PI4K2A: variants seen among roughly 807,000 people sequenced by gnomAD.
The protein encoded by PI4K2A is phosphatidylinositol 4-kinase type 2-alpha.
PI4K2A carries 20 observed loss-of-function variants against 55.0 expected under a neutral mutation model. The observed-to-expected ratio is 0.36, with a 90% confidence interval of 0.26 to 0.53. The LOEUF is 0.53. PI4K2A is among the 20% of genes least tolerant of loss of function. PI4K2A has a pLI of 0.91. For synonymous variants in PI4K2A, 235 were observed against 258.5 expected, an observed-to-expected ratio of 0.91 and a Z score of 0.87; for missense variants, 463 against 637.1, an observed-to-expected ratio of 0.73 and a Z score of 2.94.
chr10:97,667,915 A>G (rs775586416), intron 8 of PI4K2A, among the ~76,000 whole-genome samples: 1 of 152,252 alleles, frequency 6.6e-6, no homozygotes, highest in African/African-American at 2.4e-5. Flanking sequence ...AGTACTGGGC[A>G]CATGAAGCAC....
At chr10:97,642,884 T>TCTTTCTTTCTTTCTTTCTTCCTTC (rs1564772365) in intron 1 of PI4K2A, among the ~76,000 whole-genome samples, 1 of 96,802 alleles carries the variant, frequency 1.0e-5, no homozygotes, top group Admixed American at 9.6e-5. Flanking sequence ...TTTCTTTCTT[T>TCTTTCTTTCTTTCTTTCTTCCTTC]CTTCCTTCCT....
chr10:97,647,214 GT>G (rs2041509292), intron 1 of PI4K2A, among the ~76,000 whole-genome samples: 1 of 142,974 alleles, frequency 7.0e-6, no homozygotes, highest in African/African-American at 3.0e-5. Context: ...CCCCTCCTTT[GT>G]TAAAAGGGGA....
At chr10:97,666,951 C>A in intron 7 of PI4K2A, 110 bp from the exon 8 acceptor site, 1 of 783,018 alleles carries the variant, frequency 1.3e-6, no homozygotes, top group South Asian at 1.6e-5. Flanking sequence ...CACAAAGCTG[C>A]AGAAGCCTTA....
chr10:97,676,060 G>A (rs769466743), exon 9 of PI4K2A: 19 of 152,332 alleles, frequency 1.2e-4, no homozygotes, highest in Non-Finnish European at 2.1e-4. Flanking sequence ...GACCTTTTTT[G>A]TCCAGTTTCT....
At chr10:97,655,778 T>A (rs543697543) in intron 2 of PI4K2A, among the ~76,000 whole-genome samples, 2 of 152,238 alleles carry the variant, frequency 1.3e-5, no homozygotes, top group East Asian at 3.9e-4. Flanking sequence ...TTTAACCATG[T>A]TGGCCAGGCT....
exon 9 of PI4K2A, chr10:97,676,202 C>T (rs1414240406): frequency 6.6e-6 from 1 of 152,144 alleles, no homozygotes; most frequent in Non-Finnish European, 1.5e-5. Context: ...GTCCTCATTT[C>T]CAAAGTCCCA....
At chr10:97,671,091 T>G (rs889585184) in intron 8 of PI4K2A, among the ~76,000 whole-genome samples, 14 of 151,732 alleles carry the variant, frequency 9.2e-5, no homozygotes, top group African/African-American at 3.1e-4. Context: ...GAGCCGAGAT[T>G]GTGCCGTTGC....
intron 6 of PI4K2A, among the ~76,000 whole-genome samples, chr10:97,665,570 G>A (rs1381736030): frequency 6.6e-6 from 1 of 151,818 alleles, no homozygotes; most frequent in Non-Finnish European, 1.5e-5. Context: ...CACTGCGCCT[G>A]GCTGAGGGCT....
At chr10:97,673,664 C>G in exon 9 of PI4K2A, 1 of 1,614,054 alleles carries the variant, frequency 6.2e-7, no homozygotes, top group Non-Finnish European at 8.5e-7. Flanking sequence ...TCGAGACGGC[C>G]CGTTCCCACC....
chr10:97,660,420 C>T (rs527604269), intron 4 of PI4K2A, among the ~76,000 whole-genome samples: 7 of 151,756 alleles, frequency 4.6e-5, no homozygotes, highest in African/African-American at 1.7e-4. Context: ...CTCAGCCTCC[C>T]GAGTAGCTGG....
chr10:97,674,640 G>A (rs150009838), exon 9 of PI4K2A: 1 of 152,334 alleles, frequency 6.6e-6, no homozygotes, highest in East Asian at 1.9e-4. Context: ...CTTCTCATTT[G>A]TTCCTCTCGT....
Position 97,660,444 on chromosome 10 carries a change from T to C in PI4K2A, c.923-2463T>C, listed in dbSNP as rs1394270484. 3.3e-5 allele frequency among the ~76,000 whole-genome samples: 5 copies of C among 151,482 alleles called. No homozygotes were observed. The South Asian group carries it at 6.3e-4, about 19-fold the overall frequency. On this transcript the variant is annotated intron_variant, in intron 4 of 8. Transcript: ENST00000370631. ...CCGAGTAGCTGGGACTACAGGTGCA[T>C]GCCACCACACCCGGCTAATTTTTGT...
chr10:97,648,758 T>C (rs2041517174), intron 1 of PI4K2A, among the ~76,000 whole-genome samples: 4 of 152,224 alleles, frequency 2.6e-5, no homozygotes, highest in Admixed American at 6.5e-5. Context: ...TGTGAGCCTG[T>C]TGCTACTGCT....
chr10:97,650,969 A>G (rs1236751960), exon 2 of PI4K2A: 1 of 1,613,826 alleles, frequency 6.2e-7, no homozygotes, highest in Non-Finnish European at 8.5e-7. Context: ...AAACCCAAGA[A>G]TGAAGAGCCC....
At chr10:97,666,943 C>A in intron 7 of PI4K2A, 118 bp from the exon 8 acceptor site, 2 of 744,002 alleles carry the variant, frequency 2.7e-6, no homozygotes, top group South Asian at 3.5e-5. Context: ...GTTGACTTCA[C>A]AAAGCTGCAG....
intron 8 of PI4K2A, among the ~76,000 whole-genome samples, chr10:97,669,607 A>G (rs2041626070): frequency 6.6e-6 from 1 of 152,236 alleles, no homozygotes; most frequent in African/African-American, 2.4e-5. Flanking sequence ...CATGGCCAGT[A>G]TATCACTCAT....
At chr10:97,668,635 CAGTT>C (rs537752841) in intron 8 of PI4K2A, among the ~76,000 whole-genome samples, 161 of 152,164 alleles carry the variant, frequency 1.1e-3, no homozygotes, top group Middle Eastern at 3.4e-3. Flanking sequence ...TGATTTGAAA[CAGTT>C]AGAGTAGTAC....
chr10:97,650,833 A>G (rs1478258608), intron 1 of PI4K2A, 108 bp from the exon 2 acceptor site: 10 of 783,870 alleles, frequency 1.3e-5, no homozygotes, highest in East Asian at 2.5e-5. Flanking sequence ...GTAAGTAGGA[A>G]TTGTCTGCCT....
chr10:97,672,354 AATTTCT>A (rs1174861123), intron 8 of PI4K2A, among the ~76,000 whole-genome samples: 1 of 152,082 alleles, frequency 6.6e-6, no homozygotes, highest in East Asian at 1.9e-4. Flanking sequence ...AACCACCTAT[AATTTCT>A]TGAGACCCAG....
Sources: gnomAD v4.1 joint callset for allele counts (sites outside exome capture counted in the v4.1 genomes callset) on GRCh38, gnomAD v4.1.1 for gene constraint, MANE v1.5 for transcripts, NCBI Gene and HGNC (gene_info 2026-07-23, HGNC 2026-07-21) for gene names.